GLIS3: variants seen among roughly 807,000 people sequenced by gnomAD.
GLIS3 encodes GLIS family zinc finger 3.
GLIS3 carries 53 observed loss-of-function variants against 78.6 expected under a neutral mutation model. The ratio of observed to expected loss-of-function variants is 0.67; its 90% CI spans 0.54 to 0.85. The LOEUF (loss-of-function observed/expected upper bound fraction) is 0.85, where lower values mean the gene tolerates loss of function less well. Among genes scored for constraint, GLIS3 ranks in the 40% least tolerant of loss-of-function variants. The pLI, the probability that GLIS3 is intolerant of heterozygous loss-of-function variation, is 0.00. For synonymous variants in GLIS3, 684 were observed against 509.9 expected (o/e 1.34, Z -4.60); for missense variants, 1,703 against 1,231.1 (o/e 1.38, Z -5.74).
At chr9:3,950,702 A>ACT (rs1816619324) in intron 4 of GLIS3, among the ~76,000 whole-genome samples, 1 of 152,244 alleles carries the variant, frequency 6.6e-6, no homozygotes, top group African/African-American at 2.4e-5. Flanking sequence ...ATCCTCATGG[A>ACT]ACGTGAGTCC....
In GLIS3 at chr9:3,954,312, C is replaced by T. The variant is rs572782507; in HGVS notation, c.1711-17123G>A. Among the ~76,000 whole-genome samples the T allele has an allele frequency of 3.9e-5, 6 of 152,278 alleles. No individual in the cohort carries two copies. The South Asian group carries it at 1.2e-3, about 32-fold the overall frequency. ...AGAAGCTCCTCGATAAAGAGGCAAC[C>T]CTCCTGCCAAAGCTTAGAAATAATG... On this transcript the variant is annotated intron_variant, in intron 4 of 10. Coordinates refer to ENST00000381971, the MANE Select transcript of GLIS3 (RefSeq NM_001042413.2).
intron 2 of GLIS3, among the ~76,000 whole-genome samples, chr9:4,280,819 G>T (rs1286261912): frequency 6.6e-6 from 1 of 151,816 alleles, no homozygotes; most frequent in Admixed American, 6.6e-5. Flanking sequence ...TCTAGAAGAA[G>T]ACTAAAGAAA....
chr9:4,149,909 G>A (rs1195375155), intron 2 of GLIS3, among the ~76,000 whole-genome samples: 2 of 152,206 alleles, frequency 1.3e-5, no homozygotes, highest in Non-Finnish European at 2.9e-5. Flanking sequence ...TATCTTATCT[G>A]CACTTGCATA....
At chr9:4,120,719 G>A (rs1364367998) in intron 3 of GLIS3, among the ~76,000 whole-genome samples, 1 of 152,224 alleles carries the variant, frequency 6.6e-6, no homozygotes, top group Admixed American at 6.5e-5. Context: ...TAAAGAACCA[G>A]AGCTTTGGCA....
chr9:3,875,569 G>T (rs1387813481), intron 8 of GLIS3: 1 of 152,164 alleles, frequency 6.6e-6, no homozygotes, highest in Non-Finnish European at 1.5e-5. Flanking sequence ...TTTTTACTGG[G>T]GGATTTCCCA....
the GLIS3 span, among the ~76,000 whole-genome samples, chr9:4,453,300 A>G: frequency 3.4e-4 from 50 of 147,810 alleles, no homozygotes; most frequent in Admixed American, 2.5e-3. Flanking sequence ...ACAAAAGTCA[A>G]AATTGACAAA....
In GLIS3 at chr9:3,898,832, G is replaced by C; in HGVS notation, c.1987C>G (p.Arg663Gly). 1 of 1,614,040 alleles carries C rather than the reference G, an allele frequency of 6.2e-7. No individual in the cohort carries two copies. The highest frequency in any genetic ancestry group is 8.5e-7 in the Non-Finnish European group (1 of 1,180,032). ...SKEQQARKKL[R>G]SSTELHPDLL... The stretch of plus-strand genomic sequence containing the variant: ...TCTGGATGGAGCTCTGTGCTGGACC[G>C]CAACTAAGAGGACAAAACGGAAGAG... The change falls in exon 7 of 11, where the codon CGG becomes GGG. Residue 663 changes from arginine to glycine, a missense_variant. By Grantham distance (125) the Arg-to-Gly change is moderately radical. Transcript: ENST00000381971.
At chr9:3,879,168 A>T (rs572176154) in intron 8 of GLIS3, among the ~76,000 whole-genome samples, 5 of 152,250 alleles carry the variant, frequency 3.3e-5, no homozygotes, top group African/African-American at 1.2e-4. Flanking sequence ...AAAGACAGGG[A>T]AATTCTGGTG....
At chr9:3,968,369 A>C (rs1040599419) in intron 4 of GLIS3, among the ~76,000 whole-genome samples, 1 of 152,204 alleles carries the variant, frequency 6.6e-6, no homozygotes, top group Admixed American at 6.5e-5. Flanking sequence ...CTAATTAAAT[A>C]ATACAGAAAG....
At chr9:4,471,509 G>T in the GLIS3 span, among the ~76,000 whole-genome samples, 1 of 152,148 alleles carries the variant, frequency 6.6e-6, no homozygotes, top group Non-Finnish European at 1.5e-5. Flanking sequence ...ATGGGGAAAG[G>T]ATTCCCTATT....
chr9:4,047,189 G>A (rs947716435), intron 4 of GLIS3, among the ~76,000 whole-genome samples: 1 of 151,956 alleles, frequency 6.6e-6, no homozygotes, highest in African/African-American at 2.4e-5. Context: ...TTCACAAGGG[G>A]CTCTTCCCCC....
At chr9:4,043,719 T>A (rs905175914) in intron 4 of GLIS3, among the ~76,000 whole-genome samples, 4 of 152,202 alleles carry the variant, frequency 2.6e-5, no homozygotes, top group Non-Finnish European at 5.9e-5. Flanking sequence ...CAGAAAGATC[T>A]GTTTTCACAC....
intron 7 of GLIS3, among the ~76,000 whole-genome samples, chr9:3,886,525 T>G (rs1233547422): frequency 6.6e-6 from 1 of 152,238 alleles, no homozygotes; most frequent in Non-Finnish European, 1.5e-5. Context: ...TGAAGTATTT[T>G]TACACTTTCA....
chr9:3,872,540 A>G (rs1821033705), intron 8 of GLIS3, among the ~76,000 whole-genome samples: 2 of 152,246 alleles, frequency 1.3e-5, no homozygotes, highest in South Asian at 4.1e-4. Context: ...GGCAGCAGGC[A>G]AAGAGAATGA....
chr9:4,342,932 G>A (rs1817855618), intron 2 of GLIS3, among the ~76,000 whole-genome samples: 1 of 152,096 alleles, frequency 6.6e-6, no homozygotes, highest in South Asian at 2.1e-4. Context: ...ACTGATTTTT[G>A]TACACTGGTT....
At chr9:4,215,090 G>GGA (rs1330096932) in intron 2 of GLIS3, among the ~76,000 whole-genome samples, 2 of 152,130 alleles carry the variant, frequency 1.3e-5, no homozygotes, top group Non-Finnish European at 2.9e-5. Context: ...CACAAAGAGT[G>GGA]GAGCAAAGAA....
intron 2 of GLIS3, among the ~76,000 whole-genome samples, chr9:4,276,649 G>A (rs138203169): frequency 1.0e-3 from 159 of 152,208 alleles, no homozygotes; most frequent in African/African-American, 3.6e-3. Context: ...AAGTGGGGAA[G>A]GGTACTAATG....
At chr9:3,920,928 C>T (rs1164767794) in intron 6 of GLIS3, among the ~76,000 whole-genome samples, 2 of 152,144 alleles carry the variant, frequency 1.3e-5, no homozygotes, top group African/African-American at 2.4e-5. Context: ...TTTTGAGTCT[C>T]CTTTTTCAAA....
chr9:3,924,416 C>G (rs905724968), intron 6 of GLIS3, among the ~76,000 whole-genome samples: 1 of 152,198 alleles, frequency 6.6e-6, no homozygotes, highest in Non-Finnish European at 1.5e-5. Context: ...GTAACTTAAG[C>G]TAAGTCCTGA....
Sources: gnomAD v4.1 joint callset for allele counts (sites outside exome capture counted in the v4.1 genomes callset) on GRCh38, gnomAD v4.1.1 for gene constraint, MANE v1.5 for transcripts, NCBI Gene and HGNC (gene_info 2026-07-23, HGNC 2026-07-21) for gene names.